KAT6A: variants seen among roughly 807,000 people sequenced by gnomAD.
KAT6A encodes lysine acetyltransferase 6A.
In KAT6A, 9 loss-of-function variants were observed where a neutral mutation model predicts 198.4. The observed-to-expected ratio is 0.05, with a 90% confidence interval of 0.03 to 0.08. The LOEUF is 0.08. Among genes scored for constraint, KAT6A ranks in the 10% least tolerant of loss-of-function variants. The probability of loss-of-function intolerance (pLI) is 1.00; values close to 1 mark genes in which losing one functional copy is unlikely to be tolerated. For synonymous variants in KAT6A, 890 were observed against 883.0 expected, an observed-to-expected ratio of 1.01 and a Z score of -0.14; for missense variants, 2,077 against 2,509.9, an observed-to-expected ratio of 0.83 and a Z score of 3.69.
chr8:42,000,362 C>G (rs1437054654), intron 2 of KAT6A, among the ~76,000 whole-genome samples: 3 of 152,098 alleles, frequency 2.0e-5, no homozygotes, highest in African/African-American at 7.2e-5. Context: ...ACCTGCCTGG[C>G]CAACCTGGTG....
Position 41,934,186 on chromosome 8 carries a change from G to C in KAT6A, c.4034C>G (p.Pro1345Arg). The C allele has an allele frequency of 6.2e-7, 1 of 1,614,086 alleles. No homozygotes were observed. The highest frequency in any genetic ancestry group is 8.5e-7 in the Non-Finnish European group (1 of 1,180,026). The stretch of plus-strand genomic sequence containing the variant: ...ATCTAAAAAAGACTCTTGAACACCA[G>C]GCTCCTCCTTGACATCTTCCCTCGT... ...QPTREDVKEEPGVQESFLDAN... is the reference protein window; with the variant it reads ...QPTREDVKEERGVQESFLDAN... The change falls in exon 17 of 17, where the codon CCT becomes CGT. Residue 1345 changes from proline (P) to arginine (R), a missense_variant. This residue lies in a region of KAT6A where 375 missense variants were observed against 383.0 expected (regional missense o/e 0.98). Coordinates refer to ENST00000265713, the MANE Select transcript of KAT6A (RefSeq NM_006766.5).
At position 41,934,483 on chromosome 8, in the gene KAT6A, C is replaced by A. The variant is rs1256873457; in HGVS notation, c.3737G>T (p.Ser1246Ile). The change falls in exon 17 of 17, where the codon AGC (serine) becomes ATC (isoleucine). Residue 1246 changes from serine (S) to isoleucine (I), a missense_variant. This residue lies in a region of KAT6A where 375 missense variants were observed against 383.0 expected (regional missense o/e 0.98). Transcript: ENST00000265713. Reference protein sequence around the residue: ...AEEGEEEDAASSEVPAASPAD... With the variant: ...AEEGEEEDAAISEVPAASPAD... The stretch of plus-strand genomic sequence containing the variant: ...TGGAGAGGCTGCTGGGACTTCACTG[C>A]TGGCTGCATCCTCTTCCTCACCCTC... 4.3e-6 allele frequency: 7 copies of A among 1,610,008 alleles called. No individual in the cohort carries two copies. Among genetic ancestry groups the A allele is most frequent in the Middle Eastern group, 3.3e-4 (2 of 6,080 alleles).
At chr8:41,971,491 T>G (rs972216924) in intron 8 of KAT6A, among the ~76,000 whole-genome samples, 23 of 152,186 alleles carry the variant, frequency 1.5e-4, no homozygotes, top group Admixed American at 1.4e-3. Flanking sequence ...GCAGGCATGC[T>G]TGGTGTGTCT....
chr8:41,986,669 C>CA (rs1824621273), intron 3 of KAT6A, among the ~76,000 whole-genome samples: 2 of 152,134 alleles, frequency 1.3e-5, no homozygotes, highest in Admixed American at 1.3e-4. Flanking sequence ...AGTACAGAAG[C>CA]TCATCTCAGT....
Position 41,941,120 on chromosome 8 carries a change from C to G in KAT6A, c.2761G>C (p.Val921Leu), listed in dbSNP as rs760153592. ...TGGCTTGGCTGCTCCTCAGAAGCCA[C>G]CAGCTGTTCTTCACTTTCAGTGTAT... The part of the protein sequence containing the change: ...EQYTESEEQL[V>L]ASEEQPSQDG... Residue 921 changes from valine (V) to leucine (L), a missense_variant, in exon 15 of 17, where the codon GTG becomes CTG. Around this residue, in one of 13 missense-constraint regions of KAT6A, gnomAD observed 301 missense variants for 272.2 expected, o/e 1.11. Transcript: ENST00000265713. The G allele has an allele frequency of 3.8e-5, 62 of 1,614,194 alleles. 2 individuals are homozygous for G. In the South Asian group the frequency reaches 6.7e-4, roughly 17 times the overall value.
chr8:41,929,532 T>C lies in KAT6A; in HGVS notation c.*2673A>G, dbSNP rs377285350. ...TTATGTTAAAATGTACAGAGTTCTTTTGAAAGTACTTGCTAGAAAGGGGAA... is the reference window on the plus strand; with the variant it reads ...TTATGTTAAAATGTACAGAGTTCTTCTGAAAGTACTTGCTAGAAAGGGGAA... On this transcript the variant is annotated 3_prime_UTR_variant, in exon 17 of 17. Coordinates refer to ENST00000265713, the MANE Select transcript of KAT6A (RefSeq NM_006766.5). 51 of 184,470 alleles carry C rather than the reference T, an allele frequency of 2.8e-4. No individual in the cohort carries two copies. Among genetic ancestry groups the C allele is most frequent in the African/African-American group, 9.9e-4 (42 of 42,596 alleles). The allele number at this position is 184,470 out of a possible 1,614,324, so 11.4% of individuals were successfully genotyped here. A position where few individuals can be genotyped will look rare whatever the true frequency, so the allele number is the denominator to read the frequency against.
intron 8 of KAT6A, among the ~76,000 whole-genome samples, chr8:41,959,168 A>G (rs1334629001): frequency 6.6e-6 from 1 of 151,856 alleles, no homozygotes; most frequent in African/African-American, 2.4e-5. Context: ...CGAAAAAAAA[A>G]AAAAAAAAAA....
intron 13 of KAT6A, 39 bp from the exon 14 acceptor site, chr8:41,943,039 C>T (rs772586742): frequency 9.7e-5 from 157 of 1,610,750 alleles, no homozygotes; most frequent in Non-Finnish European, 1.2e-4. Flanking sequence ...CAACAATGTA[C>T]AAGGTGTACA....
intron 8 of KAT6A, among the ~76,000 whole-genome samples, chr8:41,973,704 T>C (rs1285863075): frequency 6.6e-6 from 1 of 152,166 alleles, no homozygotes; most frequent in African/African-American, 2.4e-5. Context: ...TCCTGAGCCA[T>C]TTTAATTCCC....
chr8:41,936,301 T>C (rs533966803), intron 16 of KAT6A, among the ~76,000 whole-genome samples: 4 of 152,294 alleles, frequency 2.6e-5, no homozygotes, highest in Admixed American at 1.3e-4. Flanking sequence ...ATTTGTTATA[T>C]AGAAAATATG....
rs1447258578 is a variant in KAT6A, at chr8:41,981,864, G to C, written c.800C>G (p.Ser267Cys). 6.2e-7 allele frequency: 1 copy of C among 1,613,494 alleles called. No individual in the cohort carries two copies. Among genetic ancestry groups the C allele is most frequent in the Non-Finnish European group, 8.5e-7 (1 of 1,179,612 alleles). The change falls in exon 4 of 17, where the codon TCC becomes TGC. Residue 267 changes from serine (S) to cysteine (C), a missense_variant. Ser to Cys is a moderately radical substitution (Grantham distance 112). Coordinates refer to ENST00000265713, the MANE Select transcript of KAT6A (RefSeq NM_006766.5). ...CGCATTTTTGCCTTGATCTCGACAGGAGCTGCATGTTTTACACTCGATGCA... is the reference window on the plus strand; with the variant it reads ...CGCATTTTTGCCTTGATCTCGACAGCAGCTGCATGTTTTACACTCGATGCA... The part of the protein sequence containing the change: ...WQCIECKTCS[S>C]CRDQGKNADN...
At position 41,985,218 on chromosome 8, in the gene KAT6A, T is replaced by C. The variant is rs1050707373; in HGVS notation, c.709+2237A>G. 5.3e-5 allele frequency among the ~76,000 whole-genome samples: 8 copies of C among 152,170 alleles called. No homozygotes were observed. The East Asian group carries it at 1.5e-3, about 29-fold the overall frequency. The stretch of plus-strand genomic sequence containing the variant: ...AATAACTGCATTGTATGGCATGCCA[T>C]TATATTTTCATCTAATCTTTCATGA... On this transcript the variant is annotated intron_variant, in intron 3 of 16. Coordinates refer to ENST00000265713, the MANE Select transcript of KAT6A (RefSeq NM_006766.5).
intron 2 of KAT6A, among the ~76,000 whole-genome samples, chr8:42,009,444 A>G (rs1215250879): frequency 6.6e-6 from 1 of 151,636 alleles, no homozygotes; most frequent in Non-Finnish European, 1.5e-5. Flanking sequence ...TGTAAGTTTA[A>G]AAAGAAAAAA....
intron 12 of KAT6A, among the ~76,000 whole-genome samples, chr8:41,945,047 A>G (rs1219200271): frequency 3.3e-5 from 5 of 152,228 alleles, no homozygotes; most frequent in Non-Finnish European, 7.3e-5. Context: ...TTGTATAGCA[A>G]TATCTGAGGT....
At chr8:42,034,314 C>A (rs1234734736) in intron 2 of KAT6A, among the ~76,000 whole-genome samples, 1 of 152,134 alleles carries the variant, frequency 6.6e-6, no homozygotes, top group Non-Finnish European at 1.5e-5. Flanking sequence ...AAATATGGCT[C>A]AAGAATCTGC....
Position 41,941,009 on chromosome 8 carries a change from G to A in KAT6A, c.2872C>T (p.Leu958=), listed in dbSNP as rs1264008281. The A allele has an allele frequency of 2.5e-6, 4 of 1,614,050 alleles. No individual in the cohort carries two copies. The highest frequency in any genetic ancestry group is 3.4e-6 in the Non-Finnish European group (4 of 1,180,042). ...CTTCCTTCTGTTAATCTGCACTTCA[G>A]AGCCTCAGGGCTTTTCTTGAGCTGT... is the stretch of plus-strand genomic sequence containing the variant. ...RGQLKKSPEA[L]KCRLTEGSER... Residue 958 remains leucine, a synonymous_variant, in exon 15 of 17, where the codon CTG becomes TTG. Coordinates refer to ENST00000265713, the MANE Select transcript of KAT6A (RefSeq NM_006766.5).
intron 2 of KAT6A, among the ~76,000 whole-genome samples, chr8:42,004,175 AT>A (rs1825630119): frequency 6.6e-6 from 1 of 152,216 alleles, no homozygotes; most frequent in Admixed American, 6.5e-5. Flanking sequence ...GCTGGGTCTT[AT>A]GATCTAGTTG....
Position 41,989,280 on chromosome 8 carries a change from G to A in KAT6A, c.601-1717C>T, listed in dbSNP as rs547817785. 1.6e-4 allele frequency among the ~76,000 whole-genome samples: 24 copies of A among 152,180 alleles called. 1 individual carries two copies. The South Asian group carries it at 1.7e-3, about 11-fold the overall frequency. On this transcript the variant is annotated intron_variant, in intron 2 of 16. Coordinates refer to ENST00000265713, the MANE Select transcript of KAT6A (RefSeq NM_006766.5). The stretch of plus-strand genomic sequence containing the variant: ...TCCCAGCACTTTGGGAGGCCGAGGC[G>A]GGCGGATCACCTGAGGTCAGGAGTT...
chr8:41,972,563 T>C (rs979466474), intron 8 of KAT6A, among the ~76,000 whole-genome samples: 24 of 152,102 alleles, frequency 1.6e-4, no homozygotes, highest in African/African-American at 5.6e-4. Flanking sequence ...TTTCTAATCA[T>C]GAAAAATAAA....
Sources: allele counts gnomAD v4.1 joint callset (sites outside exome capture counted in the v4.1 genomes callset), GRCh38; gene constraint gnomAD v4.1.1; regional missense constraint gnomAD v4.1.1; transcripts MANE v1.5; gene names NCBI Gene and HGNC (gene_info 2026-07-23, HGNC 2026-07-21).